BMP2K: variants seen among roughly 807,000 people sequenced by gnomAD.
The protein encoded by BMP2K is BMP2 inducible kinase.
BMP2K carries 74 observed loss-of-function variants against 116.0 expected under a neutral mutation model. The ratio of observed to expected loss-of-function variants is 0.64; its 90% CI spans 0.53 to 0.77. The LOEUF is 0.77. Ranked by LOEUF, BMP2K falls within the 30% of genes least tolerant of loss-of-function variation. The pLI is 0.00. For missense variants in BMP2K, 1,365 were observed against 1,403.6 expected (o/e 0.97, Z 0.44); for synonymous variants, 486 against 502.5 (o/e 0.97, Z 0.44).
chr4:78,776,612 T>TGGCGGG lies in BMP2K; in HGVS notation c.71_76dup (p.Gly24_Gly25dup), dbSNP rs1727251672. 1 of 1,150,272 alleles carries TGGCGGG rather than the reference T, an allele frequency of 8.7e-7. No individual in the cohort carries two copies. The highest frequency in any genetic ancestry group is 4.6e-5 in the Admixed American group (1 of 21,762). 71.3% of individuals were successfully genotyped at this position (1,150,272 alleles called of 1,614,324 possible). ...GCGGCGGAGCGGCGGGTGGCGGGGC[T>TGGCGGG]GGCGGGGCCGGGGCCGGGGCCGGCT... On this transcript the variant is annotated inframe_insertion, in exon 1 of 16. Transcript: ENST00000502613.
At chr4:78,796,523 A>G (rs1728288723) in intron 1 of BMP2K, among the ~76,000 whole-genome samples, 1 of 152,096 alleles carries the variant, frequency 6.6e-6, no homozygotes, top group Non-Finnish European at 1.5e-5. Flanking sequence ...GTACCCTAAA[A>G]CTTAAAGTAT....
intron 2 of BMP2K, among the ~76,000 whole-genome samples, chr4:78,830,116 A>G (rs528069587): frequency 4.9e-4 from 75 of 152,228 alleles, no homozygotes; most frequent in African/African-American, 1.6e-3. Flanking sequence ...AGCTTAAGCT[A>G]TCTGCCCCCC....
intron 10 of BMP2K, among the ~76,000 whole-genome samples, chr4:78,869,239 TCCACTCTCTGAAG>T (rs1181887816): frequency 6.6e-6 from 1 of 151,940 alleles, no homozygotes; most frequent in African/African-American, 2.4e-5. Flanking sequence ...GGTTGGGGCT[TCCACTCTCTGAAG>T]CCACAGCCTG....
chr4:78,864,739 G>A (rs1202509915), intron 9 of BMP2K, among the ~76,000 whole-genome samples: 2 of 151,922 alleles, frequency 1.3e-5, no homozygotes, highest in Admixed American at 6.6e-5. Flanking sequence ...AATGTGTAAG[G>A]GGATTTAATA....
At chr4:78,909,948 TG>T (rs145976093) in intron 15 of BMP2K, among the ~76,000 whole-genome samples, 10,329 of 152,308 alleles carry the variant, frequency 0.068, 464 homozygotes, top group East Asian at 0.21. Flanking sequence ...GGTTTAGATT[TG>T]TTTTTAAAGG....
Position 78,913,194 on chromosome 4 carries a change from T to C in BMP2K, c.*1161T>C, listed in dbSNP as rs1734757895. ...GAATGGTGACACCCACAAAGCCTTA[T>C]ATAAAGGCAGGATTCATGCATCCTG... is the stretch of plus-strand genomic sequence containing the variant. On this transcript the variant is annotated 3_prime_UTR_variant, in exon 16 of 16. Coordinates refer to ENST00000502613, the MANE Select transcript of BMP2K (RefSeq NM_198892.2). 1 of 152,150 alleles carries C rather than the reference T, an allele frequency of 6.6e-6. No homozygotes were observed. Among genetic ancestry groups the C allele is most frequent in the Admixed American group, 6.5e-5 (1 of 15,270 alleles). The allele number at this position is 152,150 out of a possible 1,614,324, so 9.4% of individuals were successfully genotyped here.
At chr4:78,788,758 G>A (rs1727859617) in intron 1 of BMP2K, among the ~76,000 whole-genome samples, 1 of 151,666 alleles carries the variant, frequency 6.6e-6, no homozygotes, top group Non-Finnish European at 1.5e-5. Context: ...AGGGATGGTT[G>A]GAAGTGCATT....
intron 1 of BMP2K, among the ~76,000 whole-genome samples, chr4:78,782,760 G>A (rs1473459988): frequency 6.6e-6 from 1 of 152,168 alleles, no homozygotes; most frequent in South Asian, 2.1e-4. Context: ...ACATGCAATT[G>A]TGAAATTGTT....
At chr4:78,890,743 G>C (rs1346759367) in intron 15 of BMP2K, among the ~76,000 whole-genome samples, 1 of 152,096 alleles carries the variant, frequency 6.6e-6, no homozygotes, top group South Asian at 2.1e-4. Flanking sequence ...AATCAGAACT[G>C]GTTGCTTTCT....
At chr4:78,879,275 T>G in intron 14 of BMP2K, 2 of 1,003,700 alleles carry the variant, frequency 2.0e-6, no homozygotes. Flanking sequence ...CAATAGAAAA[T>G]ATTGTGGGTC....
At position 78,858,784 on chromosome 4, in the gene BMP2K, AG is replaced by A. The variant is rs1438161209; in HGVS notation, c.884-799del. ...GGATTTAAACATTATAACAACTTAG[AG>A]TTAATGAAGCAGAGGTAGACTTTGA... is the stretch of plus-strand genomic sequence containing the variant. On this transcript the variant is annotated intron_variant, in intron 7 of 15. Coordinates refer to ENST00000502613, the MANE Select transcript of BMP2K (RefSeq NM_198892.2). Among the ~76,000 whole-genome samples, 8 of 109,084 alleles carry A rather than the reference AG, an allele frequency of 7.3e-5. No homozygotes were observed. In the African/African-American group the frequency reaches 7.6e-4, roughly 10 times the overall value. 71.6% of individuals were successfully genotyped at this position (109,084 alleles called of 152,430 possible). A position where few individuals can be genotyped will look rare whatever the true frequency, so the allele number is the denominator to read the frequency against.
intron 14 of BMP2K, among the ~76,000 whole-genome samples, chr4:78,883,836 A>C (rs925062896): frequency 6.6e-6 from 1 of 152,112 alleles, no homozygotes; most frequent in Non-Finnish European, 1.5e-5. Context: ...TTGAGGTGGG[A>C]GGATTGCTTG....
At chr4:78,899,055 A>AGT (rs1056886002) in intron 15 of BMP2K, 1 of 152,290 alleles carries the variant, frequency 6.6e-6, no homozygotes, top group Non-Finnish European at 1.5e-5. Flanking sequence ...TCAGGTTGGA[A>AGT]GTAGAGCAGG....
intron 15 of BMP2K, among the ~76,000 whole-genome samples, chr4:78,905,292 A>G (rs1278611160): frequency 6.6e-6 from 1 of 151,958 alleles, no homozygotes; most frequent in Non-Finnish European, 1.5e-5. Flanking sequence ...AAGATAATAA[A>G]AAAGCTAAAA....
chr4:78,776,607 G>C lies in BMP2K; in HGVS notation c.64G>C (p.Gly22Arg). The change falls in exon 1 of 16, where the codon GGG becomes CGG. Residue 22 changes from glycine to arginine, a missense_variant. This residue lies in a region of BMP2K where 762 missense variants were observed against 756.7 expected (regional missense o/e 1.01). Transcript: ENST00000502613. ...CAGCGGCGGCGGAGCGGCGGGTGGC[G>C]GGGCTGGCGGGGCCGGGGCCGGGGC... is the stretch of plus-strand genomic sequence containing the variant. Reference protein sequence around the residue: ...GGSGGGAAGGGAGGAGAGAGC... With the variant: ...GGSGGGAAGGRAGGAGAGAGC... 8.4e-7 allele frequency: 1 copy of C among 1,192,876 alleles called. No individual in the cohort carries two copies. The highest frequency in any genetic ancestry group is 3.3e-4 in the Middle Eastern group (1 of 2,988). The allele number at this position is 1,192,876 out of a possible 1,614,324, so 73.9% of individuals were successfully genotyped here. A position where few individuals can be genotyped will look rare whatever the true frequency, so the allele number is the denominator to read the frequency against.
At chr4:78,793,409 CAA>C (rs59725143) in intron 1 of BMP2K, among the ~76,000 whole-genome samples, 7 of 81,078 alleles carry the variant, frequency 8.6e-5, no homozygotes, top group Non-Finnish European at 1.1e-4. Context: ...GACTCCGTCT[CAA>C]AAAAAAAAAA....
chr4:78,830,376 A>G (rs538553542), intron 2 of BMP2K, among the ~76,000 whole-genome samples: 3 of 152,306 alleles, frequency 2.0e-5, no homozygotes, highest in Admixed American at 6.5e-5. Context: ...GAGCACAAAC[A>G]GAGTAGGTTT....
intron 1 of BMP2K, among the ~76,000 whole-genome samples, chr4:78,794,113 T>C (rs963030290): frequency 6.6e-6 from 1 of 152,174 alleles, no homozygotes; most frequent in Non-Finnish European, 1.5e-5. Context: ...GAGAAACTGC[T>C]GTAAAATTTG....
At chr4:78,863,087 G>A (rs1041509166) in intron 9 of BMP2K, among the ~76,000 whole-genome samples, 1 of 151,982 alleles carries the variant, frequency 6.6e-6, no homozygotes, top group Non-Finnish European at 1.5e-5. Flanking sequence ...CCTAATGCAA[G>A]TTATAGCTTT....
Sources: gnomAD v4.1 joint callset for allele counts (sites outside exome capture counted in the v4.1 genomes callset) on GRCh38, gnomAD v4.1.1 for gene constraint, gnomAD v4.1.1 regional missense constraint, MANE v1.5 for transcripts, NCBI Gene and HGNC (gene_info 2026-07-23, HGNC 2026-07-21) for gene names.